GLCE: variants seen among roughly 807,000 people sequenced by gnomAD.
GLCE encodes the protein D-glucuronyl C5-epimerase.
GLCE carries 19 observed loss-of-function variants against 47.9 expected under a neutral mutation model. That is an observed-to-expected ratio of 0.40 (90% CI 0.28 to 0.58). The LOEUF (loss-of-function observed/expected upper bound fraction) is 0.58, where lower values mean the gene tolerates loss of function less well. Ranked by LOEUF, GLCE falls within the 20% of genes least tolerant of loss-of-function variation. The probability of loss-of-function intolerance (pLI) is 0.48; values close to 1 mark genes in which losing one functional copy is unlikely to be tolerated. For synonymous variants in GLCE, 245 were observed against 263.4 expected (o/e 0.93, Z 0.68); for missense variants, 556 against 743.3 (o/e 0.75, Z 2.93).
At chr15:69,237,751 C>G (rs553837417) in intron 2 of GLCE, among the ~76,000 whole-genome samples, 2 of 152,244 alleles carry the variant, frequency 1.3e-5, no homozygotes, top group East Asian at 3.9e-4. Flanking sequence ...TGCAGGATGG[C>G]GCCAAACTTG....
At chr15:69,192,047 G>GT (rs1291755527) in intron 1 of GLCE, among the ~76,000 whole-genome samples, 1 of 152,124 alleles carries the variant, frequency 6.6e-6, no homozygotes, top group African/African-American at 2.4e-5. Context: ...GTGAATGTGT[G>GT]TTTGTGTTTA....
At chr15:69,169,609 G>A (rs2051558184) in intron 1 of GLCE, among the ~76,000 whole-genome samples, 1 of 142,092 alleles carries the variant, frequency 7.0e-6, no homozygotes, top group Admixed American at 7.8e-5. Context: ...TGTTCTCATT[G>A]TTCAATTCTC....
intron 3 of GLCE, 134 bp downstream of exon 3, chr15:69,256,526 A>T: frequency 1.4e-6 from 1 of 698,382 alleles, no homozygotes; most frequent in Admixed American, 2.8e-5. Context: ...AGCAGGGAGG[A>T]ACAGGTTAAG....
chr15:69,192,939 G>A (rs76991526), intron 1 of GLCE, among the ~76,000 whole-genome samples: 1 of 152,100 alleles, frequency 6.6e-6, no homozygotes, highest in African/African-American at 2.4e-5. Context: ...TTTTCTAAAG[G>A]TTGATGTTTT....
chr15:69,220,732 G>A (rs2052367228), intron 2 of GLCE, among the ~76,000 whole-genome samples: 1 of 151,958 alleles, frequency 6.6e-6, no homozygotes, highest in African/African-American at 2.4e-5. Context: ...TCTGTGAGTT[G>A]CCTTTTTACT....
At chr15:69,204,277 CTTTTTTT>C (rs57376738) in intron 1 of GLCE, among the ~76,000 whole-genome samples, 40 of 88,356 alleles carry the variant, frequency 4.5e-4, no homozygotes, top group East Asian at 9.8e-4. Flanking sequence ...GATTGTTTTA[CTTTTTTT>C]TTTTTTTTTT....
At chr15:69,169,006 T>G (rs1030908993) in intron 1 of GLCE, among the ~76,000 whole-genome samples, 3 of 152,228 alleles carry the variant, frequency 2.0e-5, no homozygotes, top group Admixed American at 2.0e-4. Context: ...CTGTACTCTC[T>G]TAGTCATTGC....
At chr15:69,208,447 G>A (rs1413441827) in intron 1 of GLCE, among the ~76,000 whole-genome samples, 1 of 151,576 alleles carries the variant, frequency 6.6e-6, no homozygotes, top group Non-Finnish European at 1.5e-5. Flanking sequence ...AGTTGACCCT[G>A]TTTGTGTGGA....
At chr15:69,232,535 G>C (rs1196134439) in intron 2 of GLCE, among the ~76,000 whole-genome samples, 3 of 152,080 alleles carry the variant, frequency 2.0e-5, no homozygotes, top group African/African-American at 7.2e-5. Context: ...AGAAATGATT[G>C]AGTTATGCCT....
At chr15:69,178,574 G>C (rs939037229) in intron 1 of GLCE, among the ~76,000 whole-genome samples, 1 of 152,034 alleles carries the variant, frequency 6.6e-6, no homozygotes, top group African/African-American at 2.4e-5. Context: ...GTGCTCTATG[G>C]AAGTTTATTT....
Position 69,268,968 on chromosome 15 carries a change from A to G in GLCE, c.1578A>G (p.Ala526=), listed in dbSNP as rs561055553. The G allele has an allele frequency of 6.2e-7, 1 of 1,614,236 alleles. No homozygotes were observed. Among genetic ancestry groups the G allele is most frequent in the Admixed American group, 1.7e-5 (1 of 60,026 alleles). The stretch of plus-strand genomic sequence containing the variant: ...GGCTGTATGACTTAAAAGAAACTGC[A>G]GGGGAAAAACTCGGAAAAGAAGCAA... ...LIGLYDLKET[A]GEKLGKEARS... is the part of the protein sequence containing the mutation. Residue 526 remains alanine (A), a synonymous_variant, in exon 5 of 5, where the codon GCA becomes GCG. Coordinates refer to ENST00000261858, the MANE Select transcript of GLCE (RefSeq NM_015554.3).
rs1456089935 is a variant in GLCE, at chr15:69,199,025, C to T, written c.-104-11291C>T. On this transcript the variant is annotated intron_variant, in intron 1 of 4. Transcript: ENST00000261858. ...ATGCTTAACTTGTTGAATGAATTAA[C>T]CTTTTTCCAAGCACCCTCATAACTG... is the stretch of plus-strand genomic sequence containing the variant. 1.3e-5 allele frequency among the ~76,000 whole-genome samples: 2 copies of T among 152,110 alleles called. 1 individual carries two copies. The highest frequency in any genetic ancestry group is 2.9e-5 in the Non-Finnish European group (2 of 68,008).
chr15:69,232,323 T>C (rs113965847), intron 2 of GLCE, among the ~76,000 whole-genome samples: 3,033 of 152,320 alleles, frequency 0.02, 42 homozygotes, highest in Non-Finnish European at 0.031. Context: ...TTTATGTTCT[T>C]AGTAATCAGT....
intron 1 of GLCE, among the ~76,000 whole-genome samples, chr15:69,176,262 GC>G (rs1271744952): frequency 2.1e-5 from 2 of 96,624 alleles, no homozygotes; most frequent in Non-Finnish European, 3.8e-5. Context: ...TTGTTCTGTT[GC>G]CCAGGCTGGA....
intron 1 of GLCE, among the ~76,000 whole-genome samples, chr15:69,170,367 T>C (rs1471152607): frequency 2.6e-5 from 4 of 152,186 alleles, no homozygotes; most frequent in Non-Finnish European, 4.4e-5. Context: ...TTGTTTCTCC[T>C]TTTAATAGAT....
chr15:69,232,842 G>A (rs2052543933), intron 2 of GLCE, among the ~76,000 whole-genome samples: 1 of 152,160 alleles, frequency 6.6e-6, no homozygotes, highest in Non-Finnish European at 1.5e-5. Flanking sequence ...TGACATAAAT[G>A]CAGCAGCAAG....
At chr15:69,182,985 T>G (rs2051772067) in intron 1 of GLCE, among the ~76,000 whole-genome samples, 2 of 152,034 alleles carry the variant, frequency 1.3e-5, no homozygotes, top group Non-Finnish European at 2.9e-5. Flanking sequence ...GGCGACAGGG[T>G]GAGACCCTGT....
intron 2 of GLCE, among the ~76,000 whole-genome samples, chr15:69,223,431 C>T (rs780782951): frequency 2.2e-4 from 34 of 152,064 alleles, no homozygotes; most frequent in Admixed American, 1.5e-3. Flanking sequence ...GTTTCTGATG[C>T]GAAACATGAT....
intron 2 of GLCE, among the ~76,000 whole-genome samples, chr15:69,238,028 A>G (rs989104767): frequency 6.6e-6 from 1 of 152,248 alleles, no homozygotes; most frequent in Non-Finnish European, 1.5e-5. Flanking sequence ...CATTTTAGCT[A>G]CACTGTAATT....
Sources: allele counts gnomAD v4.1 joint callset (sites outside exome capture counted in the v4.1 genomes callset), GRCh38; gene constraint gnomAD v4.1.1; transcripts MANE v1.5; gene names NCBI Gene and HGNC (gene_info 2026-07-23, HGNC 2026-07-21).